AP1G1: variants seen among roughly 807,000 people sequenced by gnomAD.
The protein encoded by AP1G1 is AP-1 complex subunit gamma-1.
A neutral mutation model predicts 108.3 loss-of-function variants in AP1G1; 7 were observed. That is an observed-to-expected ratio of 0.06 (90% CI 0.04 to 0.12). AP1G1 has a LOEUF of 0.12. Ranked by LOEUF, AP1G1 falls within the 10% of genes least tolerant of loss-of-function variation. The pLI, the probability that AP1G1 is intolerant of heterozygous loss-of-function variation, is 1.00. For missense variants in AP1G1, 756 were observed against 1,010.7 expected (o/e 0.75, Z 3.42); for synonymous variants, 379 against 353.5 (o/e 1.07, Z -0.81).
chr16:71,786,024 T>C (rs968614342), intron 2 of AP1G1, among the ~76,000 whole-genome samples: 1 of 152,182 alleles, frequency 6.6e-6, no homozygotes, highest in Non-Finnish European at 1.5e-5. Flanking sequence ...AAATTACTGA[T>C]ATGAACAAGA....
intron 9 of AP1G1, among the ~76,000 whole-genome samples, chr16:71,762,610 G>A (rs1180368753): frequency 6.6e-6 from 1 of 152,216 alleles, no homozygotes; most frequent in African/African-American, 2.4e-5. Context: ...ACAGGGTTCA[G>A]AGGAGCTTCC....
At chr16:71,794,837 T>TTTC (rs1183892791) in intron 1 of AP1G1, among the ~76,000 whole-genome samples, 4 of 66,210 alleles carry the variant, frequency 6.0e-5, no homozygotes, top group African/African-American at 1.8e-4. Flanking sequence ...GAGAAGTGCT[T>TTTC]TTTTTTTTTT....
intron 21 of AP1G1, among the ~76,000 whole-genome samples, chr16:71,737,234 G>A (rs1341377782): frequency 3.3e-5 from 5 of 152,012 alleles, no homozygotes; most frequent in Non-Finnish European, 7.4e-5. Context: ...AAACAGAATG[G>A]CTCTAGAGTT....
At chr16:71,785,841 CA>C (rs1304201197) in intron 2 of AP1G1, among the ~76,000 whole-genome samples, 1 of 151,930 alleles carries the variant, frequency 6.6e-6, no homozygotes, top group Non-Finnish European at 1.5e-5. Context: ...GAGATCACAC[CA>C]TTGCACTCCA....
chr16:71,761,932 AG>A (rs566331957), intron 9 of AP1G1, among the ~76,000 whole-genome samples: 1 of 152,096 alleles, frequency 6.6e-6, no homozygotes, highest in South Asian at 2.1e-4. Context: ...TGTCAGTGGA[AG>A]AATAATATTA....
intron 18 of AP1G1, 66 bp from the exon 19 acceptor site, chr16:71,745,336 G>A (rs2030117030): frequency 6.9e-6 from 11 of 1,601,754 alleles, no homozygotes; most frequent in Non-Finnish European, 8.5e-6. Context: ...CTAATGCAAA[G>A]CTCTTTCAAT....
At chr16:71,778,075 G>C (rs980629132) in intron 2 of AP1G1, among the ~76,000 whole-genome samples, 1 of 152,180 alleles carries the variant, frequency 6.6e-6, no homozygotes, top group Admixed American at 6.5e-5. Flanking sequence ...TCTGTGTGCA[G>C]TAGGCACAGA....
chr16:71,808,123 T>G, intron 1 of AP1G1: 1 of 1,153,700 alleles, frequency 8.7e-7, no homozygotes. Flanking sequence ...GGAGAATTAT[T>G]AGACGCTGAC....
intron 4 of AP1G1, 82 bp from the exon 5 acceptor site, chr16:71,771,334 A>C: frequency 2.6e-6 from 2 of 758,890 alleles, no homozygotes; most frequent in Non-Finnish European, 4.1e-6. Flanking sequence ...CCACCAACAC[A>C]AAAATCTCAC....
Position 71,739,299 on chromosome 16 carries a change from A to T in AP1G1, c.2042T>A (p.Ile681Lys). Residue 681 changes from isoleucine to lysine, a missense_variant, in exon 20 of 23, where the codon ATA becomes AAA. Coordinates refer to ENST00000299980, the MANE Select transcript of AP1G1 (RefSeq NM_001128.6). Reference sequence around the variant, plus strand: ...ATCCAACAAGAAGGGGGGCTGGGATATCTGTGGGACTGAGGCAGGGGCAGG... The same window carrying T: ...ATCCAACAAGAAGGGGGGCTGGGATTTCTGTGGGACTGAGGCAGGGGCAGG... ...AAPAPASVPQ[I>K]SQPPFLLDGL... 1.2e-6 allele frequency: 2 copies of T among 1,612,506 alleles called. No homozygotes were observed. The highest frequency in any genetic ancestry group is 1.7e-6 in the Non-Finnish European group (2 of 1,179,682).
intron 1 of AP1G1, among the ~76,000 whole-genome samples, chr16:71,798,619 G>A (rs2032671055): frequency 6.6e-6 from 1 of 152,088 alleles, no homozygotes; most frequent in Admixed American, 6.5e-5. Context: ...GTGGTGCGGT[G>A]GCTCACGCCT....
intron 17 of AP1G1, among the ~76,000 whole-genome samples, chr16:71,746,231 C>T (rs751612396): frequency 1.2e-4 from 18 of 152,124 alleles, no homozygotes; most frequent in Non-Finnish European, 2.1e-4. Context: ...AGGATGGTCT[C>T]GATCTCTTGA....
chr16:71,793,663 C>A (rs1388752248), intron 1 of AP1G1, among the ~76,000 whole-genome samples: 1 of 152,150 alleles, frequency 6.6e-6, no homozygotes, highest in Non-Finnish European at 1.5e-5. Flanking sequence ...ATAAACAGTA[C>A]CACAATATAG....
chr16:71,768,657 T>C (rs972819989), intron 6 of AP1G1, among the ~76,000 whole-genome samples: 9 of 151,580 alleles, frequency 5.9e-5, no homozygotes, highest in African/African-American at 2.2e-4. Flanking sequence ...GGCTCACGCC[T>C]GTAATCACAG....
chr16:71,739,746 CAAAAA>C (rs751174235), intron 19 of AP1G1, among the ~76,000 whole-genome samples: 2 of 51,882 alleles, frequency 3.9e-5, no homozygotes, highest in African/African-American at 7.7e-5. Flanking sequence ...GACTCTGTCG[CAAAAA>C]AAAAAAAAAA....
chr16:71,736,653 T>C (rs910814740), intron 21 of AP1G1, among the ~76,000 whole-genome samples: 7 of 150,826 alleles, frequency 4.6e-5, no homozygotes, highest in African/African-American at 1.5e-4. Context: ...TGGGGTGATC[T>C]CGGCTCACTG....
intron 15 of AP1G1, among the ~76,000 whole-genome samples, chr16:71,749,162 C>G (rs2145435149): frequency 6.6e-6 from 1 of 152,110 alleles, no homozygotes; most frequent in African/African-American, 2.4e-5. Flanking sequence ...CATGATCCAC[C>G]CGCCTTGGCC....
chr16:71,743,287 T>G (rs2029965095), intron 19 of AP1G1: 1 of 150,060 alleles, frequency 6.7e-6, no homozygotes, highest in African/African-American at 2.4e-5. Context: ...ACTCTGTGAC[T>G]CCACTGTATT....
rs1266070759 is a variant in AP1G1, at chr16:71,790,678, C to A, written c.-3-1196G>T. 5.3e-5 allele frequency among the ~76,000 whole-genome samples: 8 copies of A among 152,060 alleles called. No homozygotes were observed. The East Asian group carries it at 1.5e-3, about 29-fold the overall frequency. ...AATGGTGCTGGCAACTATTTCTCTC[C>A]ATGGGGGAAAAAAATTAACCTCAAT... On this transcript the variant is annotated intron_variant, in intron 1 of 22. Coordinates refer to ENST00000299980, the MANE Select transcript of AP1G1 (RefSeq NM_001128.6).
Sources: allele counts gnomAD v4.1 joint callset (sites outside exome capture counted in the v4.1 genomes callset), GRCh38; gene constraint gnomAD v4.1.1; transcripts MANE v1.5; gene names NCBI Gene and HGNC (gene_info 2026-07-23, HGNC 2026-07-21).